Variants in ACYP2 observed in about 807,000 individuals in gnomAD.
The protein encoded by ACYP2 is acylphosphatase-2.
In ACYP2, 12 loss-of-function variants were observed where a neutral mutation model predicts 11.2. The observed-to-expected ratio is 1.08, with a 90% CI of 0.69 to 1.74. The LOEUF (loss-of-function observed/expected upper bound fraction) is 1.74, where lower values mean the gene tolerates loss of function less well. Ranked by LOEUF, ACYP2 falls within the 40% of genes most tolerant of loss-of-function variation. ACYP2 has a pLI of 0.00. For synonymous variants in ACYP2, 43 were observed against 32.2 expected (o/e 1.33, Z -1.13); for missense variants, 134 against 101.9 (o/e 1.31, Z -1.35).
At chr2:54,174,634 C>A (rs1683360338) in intron 6 of ACYP2, among the ~76,000 whole-genome samples, 1 of 152,058 alleles carries the variant, frequency 6.6e-6, no homozygotes, top group South Asian at 2.1e-4. Flanking sequence ...CAGTTTTTGC[C>A]CATTCAGTAT....
chr2:54,181,915 A>G (rs1683749372), intron 6 of ACYP2, among the ~76,000 whole-genome samples: 1 of 152,124 alleles, frequency 6.6e-6, no homozygotes, highest in South Asian at 2.1e-4. Flanking sequence ...AAGGTTCATA[A>G]AACATAGGCC....
At chr2:54,204,450 C>G (rs1408204226) in intron 6 of ACYP2, among the ~76,000 whole-genome samples, 1 of 152,002 alleles carries the variant, frequency 6.6e-6, no homozygotes, top group Non-Finnish European at 1.5e-5. Flanking sequence ...TGCCTGGACA[C>G]AAGATTCTTG....
At chr2:54,007,138 CAAAAAAAAAAAAAA>C (rs70944145) in intron 2 of ACYP2, among the ~76,000 whole-genome samples, 1 of 52,200 alleles carries the variant, frequency 1.9e-5, no homozygotes, top group Non-Finnish European at 3.5e-5. Context: ...GACTCTGTGT[CAAAAAAAAAAAAAA>C]AAAAAAAAAA....
Position 54,204,079 on chromosome 2 carries a change from C to T in ACYP2, c.404+65331C>T, listed in dbSNP as rs189181204. The stretch of plus-strand genomic sequence containing the variant: ...GCACGATCTCGGCTCACTGCGACCT[C>T]TGCCTCCCACGTTGAAGTGATTCAC... On this transcript the variant is annotated intron_variant, in intron 6 of 6. Coordinates refer to ENST00000607452, the MANE Select transcript of ACYP2 (RefSeq NM_001320586.2). Among the ~76,000 whole-genome samples, 6 of 152,312 alleles carry T rather than the reference C, an allele frequency of 3.9e-5. No homozygotes were observed. The East Asian group carries it at 5.8e-4, about 15-fold the overall frequency.
intron 2 of ACYP2, among the ~76,000 whole-genome samples, chr2:53,993,434 G>A (rs868532404): frequency 2.0e-5 from 3 of 152,094 alleles, no homozygotes; most frequent in Non-Finnish European, 2.9e-5. Flanking sequence ...CAGGCCGGGC[G>A]TGGTGGTTCA....
intron 4 of ACYP2, among the ~76,000 whole-genome samples, chr2:54,134,690 A>G (rs960851461): frequency 6.6e-6 from 1 of 152,252 alleles, no homozygotes; most frequent in Admixed American, 6.5e-5. Flanking sequence ...CTTTCTAAAT[A>G]TATTCAGAGT....
chr2:54,186,637 C>A (rs1003110373), intron 6 of ACYP2, among the ~76,000 whole-genome samples: 2 of 152,016 alleles, frequency 1.3e-5, no homozygotes, highest in African/African-American at 4.8e-5. Context: ...CCTCAGCCTC[C>A]CGAGTAGCTG....
chr2:54,152,638 GAAT>G (rs1572861300), intron 6 of ACYP2, among the ~76,000 whole-genome samples: 2 of 152,166 alleles, frequency 1.3e-5, no homozygotes, highest in Admixed American at 6.5e-5. Context: ...TATATAGATG[GAAT>G]AATATAGTAT....
chr2:54,081,395 A>G (rs531829437), intron 4 of ACYP2, among the ~76,000 whole-genome samples: 128 of 152,330 alleles, frequency 8.4e-4, no homozygotes, highest in African/African-American at 2.8e-3. Flanking sequence ...GTAGCCCCAT[A>G]AGATTATAAT....
intron 6 of ACYP2, chr2:54,143,402 T>A (rs2103793651): frequency 6.6e-6 from 1 of 152,316 alleles, no homozygotes; most frequent in Middle Eastern, 3.4e-3. Flanking sequence ...TATTTAGAAC[T>A]TTTGTATATA....
intron 2 of ACYP2, among the ~76,000 whole-genome samples, chr2:54,045,688 C>T (rs1675483671): frequency 6.6e-6 from 1 of 151,816 alleles, no homozygotes; most frequent in East Asian, 1.9e-4. Context: ...TGGTGGCAGT[C>T]GCCTGTAGTC....
intron 6 of ACYP2, among the ~76,000 whole-genome samples, chr2:54,292,766 CATTA>C (rs1277641339): frequency 6.6e-6 from 1 of 151,998 alleles, no homozygotes; most frequent in Non-Finnish European, 1.5e-5. Context: ...CAGATTCCCT[CATTA>C]ATTAATGTAT....
At chr2:54,046,010 A>C (rs1431399467) in intron 2 of ACYP2, among the ~76,000 whole-genome samples, 1 of 151,622 alleles carries the variant, frequency 6.6e-6, no homozygotes. Flanking sequence ...GTCTCTAAAA[A>C]AATACAAAAA....
intron 2 of ACYP2, among the ~76,000 whole-genome samples, chr2:54,003,061 GC>G (rs1672876965): frequency 6.6e-6 from 1 of 152,068 alleles, no homozygotes; most frequent in African/African-American, 2.4e-5. Flanking sequence ...GAATACTTGT[GC>G]CTCAGCCTCC....
At chr2:54,273,753 C>T (rs182077544) in intron 6 of ACYP2, among the ~76,000 whole-genome samples, 1 of 152,292 alleles carries the variant, frequency 6.6e-6, no homozygotes, top group East Asian at 1.9e-4. Flanking sequence ...CATGAGCCCT[C>T]GCACCTGGCC....
chr2:54,006,773 A>G (rs1673086018), intron 2 of ACYP2, among the ~76,000 whole-genome samples: 1 of 152,022 alleles, frequency 6.6e-6, no homozygotes, highest in Admixed American at 6.6e-5. Context: ...ACAATTGGGG[A>G]AGCCACAGAT....
intron 2 of ACYP2, among the ~76,000 whole-genome samples, chr2:54,014,698 T>C (rs1673582078): frequency 6.6e-6 from 1 of 152,158 alleles, no homozygotes; most frequent in South Asian, 2.1e-4. Flanking sequence ...TGCAAATAAA[T>C]GAGCAAACTA....
chr2:54,118,541 C>G (rs1679949567), intron 4 of ACYP2, among the ~76,000 whole-genome samples: 1 of 152,200 alleles, frequency 6.6e-6, no homozygotes, highest in African/African-American at 2.4e-5. Context: ...GGATTTGATT[C>G]TACATCTCTC....
At chr2:54,195,456 G>C (rs1381274182) in intron 6 of ACYP2, among the ~76,000 whole-genome samples, 1 of 152,046 alleles carries the variant, frequency 6.6e-6, no homozygotes. Flanking sequence ...CAAAAGAGAG[G>C]GTGGTTTTTC....
Sources: allele counts gnomAD v4.1 joint callset (sites outside exome capture counted in the v4.1 genomes callset), GRCh38; gene constraint gnomAD v4.1.1; transcripts MANE v1.5; gene names NCBI Gene and HGNC (gene_info 2026-07-23, HGNC 2026-07-21).